Variants in P2RY8 observed in about 807,000 individuals in gnomAD.
P2RY8 encodes the protein S-geranylgeranyl-glutathione receptor P2RY8.
A neutral mutation model predicts 10.0 loss-of-function variants in P2RY8; 6 were observed. That is an observed-to-expected ratio of 0.60 (90% CI 0.33 to 1.19). P2RY8 has a LOEUF of 1.19. Ranked by LOEUF, P2RY8 falls within the 50% of genes most tolerant of loss-of-function variation. P2RY8 has a pLI of 0.04. For synonymous variants in P2RY8, 276 were observed against 252.5 expected (o/e 1.09, Z -0.88); for missense variants, 456 against 542.0 (o/e 0.84, Z 1.58).
chrX:1,502,378 C>T (rs1259399321), intron 1 of P2RY8, among the ~76,000 whole-genome samples: 2 of 152,148 alleles, frequency 1.3e-5, no homozygotes, highest in Admixed American at 6.6e-5. Flanking sequence ...TCCCCCACTT[C>T]GAACACAGAG....
At chrX:1,497,655 C>G (rs1243477521) in intron 1 of P2RY8, among the ~76,000 whole-genome samples, 1 of 144,142 alleles carries the variant, frequency 6.9e-6, no homozygotes, top group East Asian at 1.9e-4. Context: ...AACTCTGTCT[C>G]AAAATAAATA....
chrX:1,531,358 A>G (rs2092474254), intron 1 of P2RY8, among the ~76,000 whole-genome samples: 1 of 152,092 alleles, frequency 6.6e-6, no homozygotes, highest in Non-Finnish European at 1.5e-5. Flanking sequence ...GAATGGTTCT[A>G]TCCCAAGATC....
chrX:1,496,691 T>TTTC (rs2092120061), intron 1 of P2RY8, among the ~76,000 whole-genome samples: 1 of 150,920 alleles, frequency 6.6e-6, no homozygotes, highest in Non-Finnish European at 1.5e-5. Context: ...TGGGAGTTTT[T>TTTC]TTTCTTTCTT....
chrX:1,513,099 C>T (rs1352649624), intron 1 of P2RY8, among the ~76,000 whole-genome samples: 5 of 150,400 alleles, frequency 3.3e-5, no homozygotes, highest in African/African-American at 1.2e-4. Context: ...TCAACTCCCA[C>T]TTATGAGTGA....
chrX:1,501,555 C>A (rs2092179381), intron 1 of P2RY8, among the ~76,000 whole-genome samples: 1 of 151,874 alleles, frequency 6.6e-6, no homozygotes, highest in African/African-American at 2.4e-5. Flanking sequence ...ACATAGGGGT[C>A]TCACTATATT....
Position 1,464,798 on chromosome X carries a change from G to GT in P2RY8, c.*680_*681insA, listed in dbSNP as rs375673866. 10 of 230,610 alleles carry GT rather than the reference G, an allele frequency of 4.3e-5. No individual in the cohort carries two copies. The highest frequency in any genetic ancestry group is 6.0e-5 in the Non-Finnish European group (7 of 116,846). The allele number at this position is 230,610 out of a possible 1,614,324, so 14.3% of individuals were successfully genotyped here. ...CAGCAACAGGGTGGGGTGTGTGTGT[G>GT]GGGGGAAGTGGGCACGGAGAGTAGC... On this transcript the variant is annotated 3_prime_UTR_variant, in exon 2 of 2. Transcript: ENST00000381297.
rs374485539 is a variant in P2RY8 at position 1,532,323 on chromosome X, C to CACAT, written c.-25+4597_-25+4598insATGT. On this transcript the variant is annotated intron_variant, in intron 1 of 1. Coordinates refer to ENST00000381297, the MANE Select transcript of P2RY8 (RefSeq NM_178129.5). Reference sequence around the variant, plus strand: ...TATGTGTGCCATATATATACACACACGTATATATACACATATATGTATATG... The same window carrying CACAT: ...TATGTGTGCCATATATATACACACACACATGTATATATACACATATATGTATATG... 1.7e-4 allele frequency among the ~76,000 whole-genome samples: 25 copies of CACAT among 145,420 alleles called. No individual in the cohort carries two copies. The East Asian group carries it at 4.5e-3, about 26-fold the overall frequency.
rs1298163187 is a variant in P2RY8 at position 1,524,325 on chromosome X, T to C, written c.-25+12596A>G. Among the ~76,000 whole-genome samples the C allele has an allele frequency of 2.0e-5, 3 of 151,224 alleles. No individual in the cohort carries two copies. In the Admixed American group the frequency reaches 2.0e-4, roughly 10 times the overall value. On this transcript the variant is annotated intron_variant, in intron 1 of 1. Transcript: ENST00000381297. Reference sequence around the variant, plus strand: ...ACTCATTCATCCGCTCATTCATTCCTCATCCATCCATGCATCCATCCATTC... The same window carrying C: ...ACTCATTCATCCGCTCATTCATTCCCCATCCATCCATGCATCCATCCATTC...
intron 1 of P2RY8, among the ~76,000 whole-genome samples, chrX:1,493,939 C>T (rs1466261886): frequency 2.0e-5 from 3 of 152,126 alleles, no homozygotes; most frequent in African/African-American, 7.2e-5. Flanking sequence ...CTCTGGTGAG[C>T]CCGGGTTAAA....
At chrX:1,509,040 A>G (rs1327769579) in intron 1 of P2RY8, among the ~76,000 whole-genome samples, 2 of 114,804 alleles carry the variant, frequency 1.7e-5, no homozygotes, top group Non-Finnish European at 3.6e-5. Flanking sequence ...CCATCCATCC[A>G]TTTATTCTAT....
intron 1 of P2RY8, among the ~76,000 whole-genome samples, chrX:1,481,036 C>T (rs1175866546): frequency 5.9e-5 from 9 of 152,006 alleles, no homozygotes; most frequent in Admixed American, 3.3e-4. Context: ...CGAGACATGC[C>T]GGCCGACAGG....
chrX:1,482,157 T>TG (rs1164366556), intron 1 of P2RY8, among the ~76,000 whole-genome samples: 20 of 114,126 alleles, frequency 1.8e-4, no homozygotes, highest in African/African-American at 7.4e-4. Flanking sequence ...AATTTGTGTG[T>TG]GTGGTGTGTG....
chrX:1,495,062 T>C (rs2092102941), intron 1 of P2RY8, among the ~76,000 whole-genome samples: 1 of 151,816 alleles, frequency 6.6e-6, no homozygotes. Context: ...TGGATGATGC[T>C]AAGACAGTTT....
At chrX:1,484,085 A>C (rs2091964379) in intron 1 of P2RY8, among the ~76,000 whole-genome samples, 1 of 151,868 alleles carries the variant, frequency 6.6e-6, no homozygotes, top group African/African-American at 2.4e-5. Flanking sequence ...ATATACCTAA[A>C]AAGCTGGGTT....
At chrX:1,466,668 G>T in intron 1 of P2RY8, 86 bp from the exon 2 acceptor site, 2 of 1,315,912 alleles carry the variant, frequency 1.5e-6, no homozygotes, top group South Asian at 1.4e-5. Context: ...GCCGCTCCCC[G>T]GGGACCAAGG....
At chrX:1,509,747 ATC>A (rs2092281349) in intron 1 of P2RY8, among the ~76,000 whole-genome samples, 4 of 107,894 alleles carry the variant, frequency 3.7e-5, no homozygotes, top group African/African-American at 1.1e-4. Flanking sequence ...CTATGTATCT[ATC>A]TGTCTATCTA....
intron 1 of P2RY8, among the ~76,000 whole-genome samples, chrX:1,507,545 G>A: frequency 6.6e-6 from 1 of 152,156 alleles, no homozygotes; most frequent in East Asian, 1.9e-4. Flanking sequence ...TAGCTCATGA[G>A]TCCCTGCAGT....
chrX:1,494,869 A>ATTTTTTTTTTTTT (rs59572174), intron 1 of P2RY8, among the ~76,000 whole-genome samples: 1 of 143,892 alleles, frequency 6.9e-6, no homozygotes, highest in African/African-American at 2.6e-5. Flanking sequence ...CACCTGGCTA[A>ATTTTTTTTTTTTT]TTTTTTTTTT....
chrX:1,524,673 C>G (rs867188575), intron 1 of P2RY8, among the ~76,000 whole-genome samples: 1 of 111,942 alleles, frequency 8.9e-6, no homozygotes, highest in East Asian at 2.7e-4. Flanking sequence ...ATCCATTCAT[C>G]CATCCATCCA....
Sources: allele counts gnomAD v4.1 joint callset (sites outside exome capture counted in the v4.1 genomes callset), GRCh38; gene constraint gnomAD v4.1.1; transcripts MANE v1.5; gene names NCBI Gene and HGNC (gene_info 2026-07-23, HGNC 2026-07-21).